The following RAP1A variants were observed in gnomAD, a reference collection of about 807,000 sequenced individuals.
The protein encoded by RAP1A is RAP1A, member of RAS oncogene family, also known as ras-related protein Rap-1A.
In RAP1A, 6 loss-of-function variants were observed where a neutral mutation model predicts 26.4. The observed-to-expected ratio is 0.23, with a 90% CI of 0.12 to 0.45. The LOEUF (loss-of-function observed/expected upper bound fraction) is 0.45. Ranked by LOEUF, RAP1A falls within the 20% of genes least tolerant of loss-of-function variation. RAP1A has a pLI of 0.99. For missense variants in RAP1A, 121 were observed against 217.2 expected (o/e 0.56, Z 2.78); for synonymous variants, 73 against 79.4 (o/e 0.92, Z 0.43).
chr1:111,636,761 A>G (rs570325587), intron 1 of RAP1A, among the ~76,000 whole-genome samples: 2 of 152,314 alleles, frequency 1.3e-5, no homozygotes, highest in South Asian at 4.1e-4. Context: ...TACAGGCATG[A>G]GCCACTGCTC....
rs184620632 is a variant in RAP1A at position 111,662,686 on chromosome 1, C to A, written c.-27-28648C>A. ...GTTTTTATCAACTAAAACATTGATT[C>A]TCTTCACTTTAGTTTGGGAAGGAAA... On this transcript the variant is annotated intron_variant, in intron 1 of 7. Transcript: ENST00000369709. 4.8e-4 allele frequency among the ~76,000 whole-genome samples: 73 copies of A among 152,124 alleles called. 1 individual carries two copies. The East Asian group carries it at 0.013, about 27-fold the overall frequency.
At chr1:111,579,789 C>CATTTATTT (rs71763753) in intron 1 of RAP1A, among the ~76,000 whole-genome samples, 110 of 148,176 alleles carry the variant, frequency 7.4e-4, no homozygotes, top group African/African-American at 1.9e-3. Context: ...TGAATATCTC[C>CATTTATTT]ATTTATTTAT....
intron 1 of RAP1A, among the ~76,000 whole-genome samples, chr1:111,677,214 C>G (rs1179257925): frequency 2.0e-5 from 3 of 152,180 alleles, no homozygotes; most frequent in East Asian, 1.9e-4. Context: ...ACATTCATTA[C>G]TGAGTAGTAT....
At chr1:111,567,377 T>C (rs894771359) in intron 1 of RAP1A, among the ~76,000 whole-genome samples, 1 of 152,178 alleles carries the variant, frequency 6.6e-6, no homozygotes, top group African/African-American at 2.4e-5. Context: ...GCTGGAAACT[T>C]TGTCAGCTAA....
chr1:111,699,841 C>T (rs1376791842), intron 4 of RAP1A, among the ~76,000 whole-genome samples: 2 of 152,058 alleles, frequency 1.3e-5, no homozygotes, highest in Admixed American at 6.6e-5. Context: ...TTTTTATTAT[C>T]CCTTATATCT....
At chr1:111,694,597 G>C (rs2101256614) in intron 2 of RAP1A, among the ~76,000 whole-genome samples, 1 of 152,282 alleles carries the variant, frequency 6.6e-6, no homozygotes, top group South Asian at 2.1e-4. Flanking sequence ...TGAAAAAGAT[G>C]AATGGGCAAT....
chr1:111,678,359 T>A (rs1661191946), intron 1 of RAP1A, among the ~76,000 whole-genome samples: 1 of 152,256 alleles, frequency 6.6e-6, no homozygotes, highest in Non-Finnish European at 1.5e-5. Flanking sequence ...AGTTTCTTAC[T>A]GGATGTTTTT....
At chr1:111,656,720 C>A (rs531434648) in intron 1 of RAP1A, among the ~76,000 whole-genome samples, 6 of 152,126 alleles carry the variant, frequency 3.9e-5, no homozygotes, top group South Asian at 4.1e-4. Flanking sequence ...ATGGTTCCCC[C>A]CCGCCACTGC....
At chr1:111,687,525 GT>G (rs1661523297) in intron 1 of RAP1A, among the ~76,000 whole-genome samples, 1 of 152,022 alleles carries the variant, frequency 6.6e-6, no homozygotes, top group African/African-American at 2.4e-5. Flanking sequence ...AATTTTGTTT[GT>G]TTTTTAGTGG....
At chr1:111,684,231 A>G (rs997285608) in intron 1 of RAP1A, among the ~76,000 whole-genome samples, 2 of 152,224 alleles carry the variant, frequency 1.3e-5, no homozygotes, top group African/African-American at 4.8e-5. Context: ...AGCTGGAAGC[A>G]TTCCCTTTGA....
intron 1 of RAP1A, among the ~76,000 whole-genome samples, chr1:111,597,436 T>A (rs915230112): frequency 2.0e-5 from 3 of 152,184 alleles, no homozygotes; most frequent in Admixed American, 2.0e-4. Flanking sequence ...ACATTACAAG[T>A]GGATTTTGTC....
intron 5 of RAP1A, among the ~76,000 whole-genome samples, chr1:111,704,040 C>A (rs1013158214): frequency 1.3e-5 from 2 of 152,140 alleles, no homozygotes; most frequent in Non-Finnish European, 2.9e-5. Flanking sequence ...TGAGCTCAAG[C>A]AGTCCTCCTA....
intron 1 of RAP1A, among the ~76,000 whole-genome samples, chr1:111,569,483 C>T (rs762334420): frequency 1.3e-5 from 2 of 151,792 alleles, no homozygotes; most frequent in Non-Finnish European, 2.9e-5. Flanking sequence ...CAGGGGTCAA[C>T]TGTACTTAGA....
At chr1:111,652,698 T>G (rs983385435) in intron 1 of RAP1A, among the ~76,000 whole-genome samples, 4 of 151,936 alleles carry the variant, frequency 2.6e-5, no homozygotes, top group Admixed American at 1.3e-4. Flanking sequence ...GGCTGTAATT[T>G]AGGGGAAAAA....
At chr1:111,596,289 T>C (rs1046798407) in intron 1 of RAP1A, among the ~76,000 whole-genome samples, 1 of 152,078 alleles carries the variant, frequency 6.6e-6, no homozygotes, top group Non-Finnish European at 1.5e-5. Flanking sequence ...AACTCTTCCA[T>C]GGAGTTCTGA....
chr1:111,654,520 T>A (rs115715923), intron 1 of RAP1A, among the ~76,000 whole-genome samples: 67 of 152,322 alleles, frequency 4.4e-4, no homozygotes, highest in Non-Finnish European at 7.1e-4. Context: ...GTGAGTTTTG[T>A]TGAGTTATTG....
intron 1 of RAP1A, among the ~76,000 whole-genome samples, chr1:111,544,467 T>C (rs1656963734): frequency 6.6e-6 from 1 of 152,224 alleles, no homozygotes; most frequent in Admixed American, 6.5e-5. Flanking sequence ...TGCAGTCTTT[T>C]GTGTCTAACT....
intron 2 of RAP1A, among the ~76,000 whole-genome samples, chr1:111,692,699 T>C (rs189452210): frequency 6.6e-6 from 1 of 152,300 alleles, no homozygotes; most frequent in African/African-American, 2.4e-5. Context: ...TATACCGATA[T>C]GTAATGATAT....
chr1:111,695,308 A>G, intron 2 of RAP1A, 33 bp from the exon 3 acceptor site: 1 of 1,489,840 alleles, frequency 6.7e-7, no homozygotes, highest in Non-Finnish European at 9.0e-7. Flanking sequence ...TTTTCCTTTA[A>G]TTTTTTAATA....
Sources: allele counts gnomAD v4.1 joint callset (sites outside exome capture counted in the v4.1 genomes callset), GRCh38; gene constraint gnomAD v4.1.1; transcripts MANE v1.5; gene names NCBI Gene and HGNC (gene_info 2026-07-23, HGNC 2026-07-21).